PVR: variants seen among roughly 807,000 people sequenced by gnomAD.
PVR encodes poliovirus receptor.
Under a neutral mutation model 43.3 loss-of-function variants are expected in PVR, and 39 were observed. The ratio of observed to expected loss-of-function variants is 0.90; its 90% CI spans 0.70 to 1.18. The LOEUF (loss-of-function observed/expected upper bound fraction) is 1.18. Among genes scored for constraint, PVR ranks in the 50% most tolerant of loss-of-function variants. The pLI, the probability that PVR is intolerant of heterozygous loss-of-function variation, is 0.00. For synonymous variants in PVR, 224 were observed against 233.2 expected (o/e 0.96, Z 0.36); for missense variants, 480 against 549.7 (o/e 0.87, Z 1.27).
At chr19:44,646,830 A>G (rs1376517342) in intron 1 of PVR, among the ~76,000 whole-genome samples, 5 of 152,234 alleles carry the variant, frequency 3.3e-5, no homozygotes, top group African/African-American at 9.6e-5. Context: ...CGGTTGCACA[A>G]TATCGTGAAA....
In PVR at chr19:44,649,872, C is replaced by A; in HGVS notation, c.491C>A (p.Ala164Asp). 1 of 1,614,084 alleles carries A rather than the reference C, an allele frequency of 6.2e-7. No individual in the cohort carries two copies. ...VQLTGEPVPMARCVSTGGRPP... is the reference protein window; with the variant it reads ...VQLTGEPVPMDRCVSTGGRPP... Reference sequence around the variant, plus strand: ...CTCACTGGAGAGCCAGTGCCCATGGCCCGCTGCGTCTCCACAGGGGGTCGC... The same window carrying A: ...CTCACTGGAGAGCCAGTGCCCATGGACCGCTGCGTCTCCACAGGGGGTCGC... The change falls in exon 3 of 8, where the codon GCC (alanine) becomes GAC (aspartate). Residue 164 changes from alanine to aspartate, a missense_variant. Physicochemically the swap from Ala to Asp is moderately radical, Grantham distance 126 (BLOSUM62 -2). Coordinates refer to ENST00000425690, the MANE Select transcript of PVR (RefSeq NM_006505.5).
chr19:44,661,413 G>T, intron 7 of PVR, 90 bp downstream of exon 7: 1 of 1,395,502 alleles, frequency 7.2e-7, no homozygotes, highest in Non-Finnish European at 1.0e-6. Flanking sequence ...GGCCTCAGGA[G>T]CCTGGGTCTT....
intron 1 of PVR, among the ~76,000 whole-genome samples, chr19:44,645,083 TAA>T (rs1491134274): frequency 6.2e-5 from 6 of 96,338 alleles, no homozygotes; most frequent in African/African-American, 2.6e-4. Context: ...ATATAATATA[TAA>T]TAAAATATAT....
At chr19:44,647,126 G>A (rs1274871695) in intron 1 of PVR, 97 bp from the exon 2 acceptor site, 14 of 477,018 alleles carry the variant, frequency 2.9e-5, no homozygotes, top group Non-Finnish European at 3.9e-5. Context: ...GGGCCCCAGC[G>A]TGCAAGTGCA....
At chr19:44,644,244 GC>G in intron 1 of PVR, 69 bp downstream of exon 1, 1 of 1,253,014 alleles carries the variant, frequency 8.0e-7, no homozygotes. Flanking sequence ...CCGGGTACTC[GC>G]CCCCTTGGGT....
At chr19:44,648,173 G>A (rs1241811820) in intron 2 of PVR, among the ~76,000 whole-genome samples, 2 of 152,154 alleles carry the variant, frequency 1.3e-5, no homozygotes, top group Non-Finnish European at 2.9e-5. Context: ...ATCACCTGTT[G>A]ACAGACAAGG....
At chr19:44,654,127 C>T (rs1599767687) in intron 4 of PVR, 110 bp downstream of exon 4, 35 of 853,614 alleles carry the variant, frequency 4.1e-5, no homozygotes. Flanking sequence ...GGGCTGGGGG[C>T]CCGGACCCCT....
intron 5 of PVR, among the ~76,000 whole-genome samples, chr19:44,658,311 A>G (rs1973507469): frequency 6.6e-6 from 1 of 152,208 alleles, no homozygotes; most frequent in African/African-American, 2.4e-5. Context: ...TAACCCAGGA[A>G]CTTTTATTTT....
intron 7 of PVR, 133 bp downstream of exon 7, chr19:44,661,456 C>A (rs547114359): frequency 3.0e-6 from 3 of 999,088 alleles, no homozygotes; most frequent in Admixed American, 2.0e-5. Flanking sequence ...ATTTCCCAAC[C>A]CTTCCTGCTG....
chr19:44,662,751 T>C lies in PVR; in HGVS notation c.*940T>C, dbSNP rs537207185. 2.6e-5 allele frequency: 4 copies of C among 152,352 alleles called. No homozygotes were observed. The South Asian group carries it at 6.2e-4, about 24-fold the overall frequency. The allele number at this position is 152,352 out of a possible 1,614,324, so 9.4% of individuals were successfully genotyped here. A position where few individuals can be genotyped will look rare whatever the true frequency, so the allele number is the denominator to read the frequency against. Reference sequence around the variant, plus strand: ...TGGGCAAGGTTAAGCCTTTACTGCATAGCAGACCACACAGAAGGGTGTGGG... The same window carrying C: ...TGGGCAAGGTTAAGCCTTTACTGCACAGCAGACCACACAGAAGGGTGTGGG... On this transcript the variant is annotated 3_prime_UTR_variant, in exon 8 of 8. Transcript: ENST00000425690.
At chr19:44,658,598 G>A (rs1973515036) in intron 5 of PVR, 144 bp from the exon 6 acceptor site, 1 of 692,320 alleles carries the variant, frequency 1.4e-6, no homozygotes, top group Non-Finnish European at 2.4e-6. Flanking sequence ...CTGGGCACCA[G>A]AGGGTGGGAT....
Position 44,655,384 on chromosome 19 carries a change from C to T in PVR, c.842+1367C>T, listed in dbSNP as rs561595426. On this transcript the variant is annotated intron_variant, in intron 4 of 7. Transcript: ENST00000425690. ...GATTACAGGCGTGAGCCACCTCGCC[C>T]AGCCTTAGGTCTTTTTCCTTATTAC... is the stretch of plus-strand genomic sequence containing the variant. 1.2e-3 allele frequency among the ~76,000 whole-genome samples: 185 copies of T among 152,332 alleles called. 1 individual carries two copies. Among genetic ancestry groups the T allele is most frequent in the African/African-American group, 4.3e-3 (180 of 41,580 alleles).
intron 3 of PVR, chr19:44,653,684 G>A: frequency 2.0e-6 from 1 of 512,446 alleles, no homozygotes; most frequent in Non-Finnish European, 3.6e-6. Context: ...GAGAAAAGCA[G>A]CTCCTCAGAA....
rs1431982562 is a variant in PVR at position 44,645,400 on chromosome 19, ATT to A, written c.79+1227_79+1228del. Among the ~76,000 whole-genome samples the A allele has an allele frequency of 1.2e-3, 99 of 83,764 alleles. 1 individual carries two copies. The highest frequency in any genetic ancestry group is 5.4e-3 in the African/African-American group (94 of 17,352). 55.0% of individuals were successfully genotyped at this position (83,764 alleles called of 152,430 possible). A position where few individuals can be genotyped will look rare whatever the true frequency, so the allele number is the denominator to read the frequency against. On this transcript the variant is annotated intron_variant, in intron 1 of 7. Transcript: ENST00000425690. ...AAATAGATAACATATTTTATTATTT[ATT>A]TATATGTTTTGTGTATATATATATA...
Position 44,661,782 on chromosome 19 carries a change from C to G in PVR, c.1225C>G (p.Gln409Glu). ...TGTGAGCAGAGAGAACAGCTCTTCC[C>G]AGGATCCACAGACAGAGGGCACAAG... The part of the protein sequence containing the change: ...SAVSRENSSS[Q>E]DPQTEGTR Residue 409 changes from glutamine to glutamate, a missense_variant, in exon 8 of 8, where the codon CAG becomes GAG. Transcript: ENST00000425690. 6.2e-7 allele frequency: 1 copy of G among 1,613,976 alleles called. No individual in the cohort carries two copies. Among genetic ancestry groups the G allele is most frequent in the Non-Finnish European group, 8.5e-7 (1 of 1,179,938 alleles).
At chr19:44,659,551 C>T (rs1054907470) in intron 6 of PVR, among the ~76,000 whole-genome samples, 21 of 152,162 alleles carry the variant, frequency 1.4e-4, no homozygotes, top group African/African-American at 3.1e-4. Flanking sequence ...GGTGCGATCT[C>T]GGCTCACTGT....
chr19:44,644,278 C>T, intron 1 of PVR, 103 bp downstream of exon 1: 2 of 816,414 alleles, frequency 2.4e-6, no homozygotes, highest in Non-Finnish European at 3.6e-6. Context: ...CGGCCCCGCC[C>T]GGCGCCACCC....
intron 4 of PVR, 109 bp downstream of exon 4, chr19:44,654,126 G>A: frequency 1.1e-6 from 1 of 874,764 alleles, no homozygotes; most frequent in South Asian, 1.6e-5. Flanking sequence ...GGGGCTGGGG[G>A]CCCGGACCCC....
Position 44,657,892 on chromosome 19 carries a change from C to A in PVR, c.973C>A (p.Leu325Met). The A allele has an allele frequency of 6.2e-7, 1 of 1,613,808 alleles. No individual in the cohort carries two copies. The highest frequency in any genetic ancestry group is 1.1e-5 in the South Asian group (1 of 91,074). ...TGCCCTAGGAGCTCGCCAGGCAGAA[C>A]TGACCGTCCAGGTCAAAGGTGAGGA... ...TNALGARQAE[L>M]TVQVKEGPPS... The change falls in exon 5 of 8, where the codon CTG becomes ATG. Residue 325 changes from leucine (L) to methionine (M), a missense_variant. Transcript: ENST00000425690.
Sources: gnomAD v4.1 joint callset for allele counts (sites outside exome capture counted in the v4.1 genomes callset) on GRCh38, gnomAD v4.1.1 for gene constraint, MANE v1.5 for transcripts, NCBI Gene and HGNC (gene_info 2026-07-23, HGNC 2026-07-21) for gene names.